The following GSK3B variants were observed in gnomAD, a reference collection of about 807,000 sequenced individuals.
GSK3B encodes the protein glycogen synthase kinase-3 beta.
In GSK3B, 15 loss-of-function variants were observed where a neutral mutation model predicts 56.4. The observed-to-expected ratio is 0.27, with a 90% CI of 0.18 to 0.41. GSK3B has a LOEUF of 0.41. GSK3B is among the 10% of genes least tolerant of loss of function. The pLI is 1.00. For missense variants in GSK3B, 300 were observed against 513.4 expected (o/e 0.58, Z 4.02); for synonymous variants, 181 against 188.9 (o/e 0.96, Z 0.34).
rs575332163 is a variant in GSK3B at position 119,897,458 on chromosome 3, A to G, written c.813+8297T>C. Among the ~76,000 whole-genome samples, 7 of 152,104 alleles carry G rather than the reference A, an allele frequency of 4.6e-5. No individual in the cohort carries two copies. In the East Asian group the frequency reaches 1.4e-3, roughly 29 times the overall value. On this transcript the variant is annotated intron_variant, in intron 7 of 10. Transcript: ENST00000264235. Reference sequence around the variant, plus strand: ...TACCCACTTTCTACAGGTGGTTATTATTAACTGTAGTCTTATTTCCTTGTA... The same window carrying G: ...TACCCACTTTCTACAGGTGGTTATTGTTAACTGTAGTCTTATTTCCTTGTA...
chr3:119,930,786 A>G (rs2056938630), intron 3 of GSK3B, among the ~76,000 whole-genome samples: 1 of 152,264 alleles, frequency 6.6e-6, no homozygotes. Context: ...AGGCTACAAA[A>G]GTATTGTGTT....
chr3:120,066,470 T>C (rs1316855959), intron 1 of GSK3B, among the ~76,000 whole-genome samples: 1 of 152,008 alleles, frequency 6.6e-6, no homozygotes, highest in Admixed American at 6.6e-5. Context: ...TCAAATATAC[T>C]CAAAACTGGG....
chr3:119,856,215 T>C (rs2056020927), intron 9 of GSK3B, among the ~76,000 whole-genome samples: 1 of 152,000 alleles, frequency 6.6e-6, no homozygotes, highest in African/African-American at 2.4e-5. Context: ...GTAGGGATAG[T>C]GTGTTGACCA....
At chr3:119,865,034 G>A (rs1461068413) in intron 8 of GSK3B, among the ~76,000 whole-genome samples, 2 of 151,996 alleles carry the variant, frequency 1.3e-5, no homozygotes, top group Admixed American at 6.6e-5. Context: ...AGTTACTGTC[G>A]AATTTGAAAT....
chr3:120,087,915 C>T (rs2058478761), intron 1 of GSK3B, among the ~76,000 whole-genome samples: 1 of 151,522 alleles, frequency 6.6e-6, no homozygotes, highest in Non-Finnish European at 1.5e-5. Flanking sequence ...TTTTTTGAGA[C>T]AGAGTCTCTC....
intron 3 of GSK3B, among the ~76,000 whole-genome samples, chr3:119,925,599 TG>T (rs2056882441): frequency 6.6e-6 from 1 of 152,138 alleles, no homozygotes; most frequent in Non-Finnish European, 1.5e-5. Flanking sequence ...AAAATGGTCC[TG>T]TACTCAAGGT....
At chr3:119,889,885 C>T (rs1360618997) in intron 7 of GSK3B, among the ~76,000 whole-genome samples, 2 of 151,774 alleles carry the variant, frequency 1.3e-5, no homozygotes, top group East Asian at 3.9e-4. Flanking sequence ...GATAGAGTGC[C>T]TATATTAATA....
intron 10 of GSK3B, among the ~76,000 whole-genome samples, chr3:119,835,948 C>T (rs1034797456): frequency 6.6e-6 from 1 of 152,180 alleles, no homozygotes; most frequent in East Asian, 1.9e-4. Flanking sequence ...ATTTGCTTAA[C>T]ATTTCACCTC....
chr3:120,047,596 A>G (rs1272275726), intron 1 of GSK3B, among the ~76,000 whole-genome samples: 2 of 152,264 alleles, frequency 1.3e-5, no homozygotes, highest in African/African-American at 2.4e-5. Context: ...AATATGGTAC[A>G]TAACAAATAA....
At chr3:119,890,152 A>G (rs2056486023) in intron 7 of GSK3B, among the ~76,000 whole-genome samples, 1 of 152,138 alleles carries the variant, frequency 6.6e-6, no homozygotes, top group Non-Finnish European at 1.5e-5. Context: ...CAAGAGAAAT[A>G]TAAACATATG....
chr3:120,029,576 C>A, intron 1 of GSK3B: 1 of 590,428 alleles, frequency 1.7e-6, no homozygotes, highest in Non-Finnish European at 3.3e-6. Flanking sequence ...TCATGATGGT[C>A]TTTGCAGCTG....
At chr3:120,042,998 G>T (rs933504848) in intron 1 of GSK3B, among the ~76,000 whole-genome samples, 1 of 152,096 alleles carries the variant, frequency 6.6e-6, no homozygotes, top group Non-Finnish European at 1.5e-5. Context: ...TAAAACAAAA[G>T]ACCAATTCCT....
intron 1 of GSK3B, among the ~76,000 whole-genome samples, chr3:120,081,960 A>G (rs1416481981): frequency 1.3e-5 from 2 of 152,242 alleles, no homozygotes; most frequent in Admixed American, 1.3e-4. Context: ...TCTTTGAAAC[A>G]GCAAGGGGAA....
chr3:119,979,694 T>C (rs2057442188), intron 2 of GSK3B, among the ~76,000 whole-genome samples: 1 of 152,228 alleles, frequency 6.6e-6, no homozygotes, highest in Non-Finnish European at 1.5e-5. Context: ...TTAACTCAAT[T>C]ACTTTTCTTC....
chr3:120,061,658 C>T (rs1045319555), intron 1 of GSK3B, among the ~76,000 whole-genome samples: 2 of 152,166 alleles, frequency 1.3e-5, no homozygotes, highest in Non-Finnish European at 2.9e-5. Context: ...ATTTATTTTA[C>T]TTAAAAGTCC....
chr3:119,933,910 AAAAC>A (rs1344925522), intron 3 of GSK3B, among the ~76,000 whole-genome samples: 2 of 152,166 alleles, frequency 1.3e-5, no homozygotes, highest in Admixed American at 6.5e-5. Context: ...ATAAAACAAA[AAAAC>A]AAACAAGAAG....
intron 7 of GSK3B, among the ~76,000 whole-genome samples, chr3:119,898,104 A>G (rs942103959): frequency 6.6e-6 from 1 of 152,190 alleles, no homozygotes; most frequent in African/African-American, 2.4e-5. Context: ...ACTACCCTTA[A>G]ATGTGCTCAG....
At chr3:119,885,968 C>CA (rs2056431656) in intron 7 of GSK3B, among the ~76,000 whole-genome samples, 1 of 152,098 alleles carries the variant, frequency 6.6e-6, no homozygotes, top group Admixed American at 6.6e-5. Context: ...CTAGGAAACA[C>CA]TATTCTGGCC....
At chr3:119,976,598 T>C (rs755952895) in intron 2 of GSK3B, among the ~76,000 whole-genome samples, 10 of 152,146 alleles carry the variant, frequency 6.6e-5, no homozygotes, top group Non-Finnish European at 1.5e-4. Context: ...CAGTTTCATT[T>C]TGAGATGAAA....
Sources: gnomAD v4.1 joint callset for allele counts (sites outside exome capture counted in the v4.1 genomes callset) on GRCh38, gnomAD v4.1.1 for gene constraint, MANE v1.5 for transcripts, NCBI Gene and HGNC (gene_info 2026-07-23, HGNC 2026-07-21) for gene names.